Variants in GRID1 observed in about 807,000 individuals in gnomAD.
The protein encoded by GRID1 is glutamate ionotropic receptor delta type subunit 1.
Under a neutral mutation model 98.0 loss-of-function variants are expected in GRID1, and 28 were observed. That is an observed-to-expected ratio of 0.29 (90% confidence interval 0.21 to 0.39). The LOEUF is 0.39. GRID1 is among the 10% of genes least tolerant of loss of function. The probability of loss-of-function intolerance (pLI) is 1.00; values close to 1 mark genes in which losing one functional copy is unlikely to be tolerated. For missense variants in GRID1, 1,111 were observed against 1,340.5 expected, an observed-to-expected ratio of 0.83 and a Z score of 2.67; for synonymous variants, 553 against 538.5, an observed-to-expected ratio of 1.03 and a Z score of -0.37.
chr10:85,772,307 G>A (rs1387598422), intron 8 of GRID1, among the ~76,000 whole-genome samples: 2 of 151,958 alleles, frequency 1.3e-5, no homozygotes, highest in Non-Finnish European at 2.9e-5. Flanking sequence ...AGAATCTCTG[G>A]GACACATTCA....
rs565938385 is a variant in GRID1, at chr10:86,219,149, T to C, written c.236-12501A>G. Among the ~76,000 whole-genome samples, 9 of 152,326 alleles carry C rather than the reference T, an allele frequency of 5.9e-5. No individual in the cohort carries two copies. The East Asian group carries it at 1.7e-3, about 29-fold the overall frequency. Reference sequence around the variant, plus strand: ...GCATGCAGCCCTCTGTGCCGCTCCCTGGCCTGTCACCTGGTGGGGACCAAG... The same window carrying C: ...GCATGCAGCCCTCTGTGCCGCTCCCCGGCCTGTCACCTGGTGGGGACCAAG... On this transcript the variant is annotated intron_variant, in intron 2 of 15. Transcript: ENST00000327946.
chr10:85,812,023 C>T (rs1408573592), intron 8 of GRID1, among the ~76,000 whole-genome samples: 3 of 152,120 alleles, frequency 2.0e-5, no homozygotes, highest in East Asian at 1.9e-4. Context: ...AGAAATCTTA[C>T]AGGCCAGAAA....
At position 85,936,828 on chromosome 10, in the gene GRID1, C is replaced by T. The variant is rs114472187; in HGVS notation, c.727-20589G>A. On this transcript the variant is annotated intron_variant, in intron 4 of 15. Transcript: ENST00000327946. ...TAAGAGACGGTGAGTTTTAGAATGC[C>T]ATTAATACAATCTCTTCTTGCACTA... Among the ~76,000 whole-genome samples the T allele has an allele frequency of 9.2e-3, 1,408 of 152,250 alleles. 21 individuals carry two copies. Among genetic ancestry groups the T allele is most frequent in the African/African-American group, 0.031 (1,304 of 41,536 alleles).
intron 8 of GRID1, among the ~76,000 whole-genome samples, chr10:85,818,777 G>A (rs1283811415): frequency 6.6e-6 from 1 of 152,032 alleles, no homozygotes; most frequent in East Asian, 1.9e-4. Context: ...GAGTGCAGTG[G>A]CACAATCTTG....
intron 4 of GRID1, among the ~76,000 whole-genome samples, chr10:86,049,772 C>A (rs903291915): frequency 1.3e-5 from 2 of 152,250 alleles, no homozygotes; most frequent in African/African-American, 4.8e-5. Flanking sequence ...TACATAACCT[C>A]CTCTTGGAGA....
chr10:86,330,133 G>A (rs1009617500), intron 2 of GRID1, among the ~76,000 whole-genome samples: 4 of 152,064 alleles, frequency 2.6e-5, no homozygotes, highest in African/African-American at 4.8e-5. Context: ...GGGCAGGAGC[G>A]CATCTCTGTT....
chr10:85,850,144 G>C (rs1272747633), intron 8 of GRID1, among the ~76,000 whole-genome samples: 1 of 152,186 alleles, frequency 6.6e-6, no homozygotes, highest in African/African-American at 2.4e-5. Flanking sequence ...CAAAGGGCCT[G>C]CGAGCAGTTG....
chr10:86,296,935 A>G (rs543320307), intron 2 of GRID1, among the ~76,000 whole-genome samples: 1 of 152,344 alleles, frequency 6.6e-6, no homozygotes, highest in South Asian at 2.1e-4. Flanking sequence ...CTATTTAGAA[A>G]TAAACTTCAC....
intron 12 of GRID1, among the ~76,000 whole-genome samples, chr10:85,701,564 C>T (rs943166748): frequency 1.3e-5 from 2 of 152,142 alleles, no homozygotes; most frequent in African/African-American, 4.8e-5. Flanking sequence ...CACCTGTACT[C>T]ACAAGCCCAG....
At chr10:86,065,564 TG>T (rs1843708698) in intron 4 of GRID1, among the ~76,000 whole-genome samples, 2 of 152,238 alleles carry the variant, frequency 1.3e-5, no homozygotes, top group South Asian at 4.1e-4. Context: ...TCCTAGCCAG[TG>T]GGATCTTTTG....
At chr10:85,731,591 A>G (rs946637319) in intron 8 of GRID1, among the ~76,000 whole-genome samples, 2 of 152,042 alleles carry the variant, frequency 1.3e-5, no homozygotes, top group Non-Finnish European at 2.9e-5. Context: ...GCTTGAGTCC[A>G]GGAGTTCAAA....
At chr10:85,678,838 C>A (rs1841174338) in intron 12 of GRID1, among the ~76,000 whole-genome samples, 1 of 152,178 alleles carries the variant, frequency 6.6e-6, no homozygotes, top group African/African-American at 2.4e-5. Flanking sequence ...GCCCTCACTT[C>A]TGCAACTTTG....
chr10:85,833,042 C>T lies in GRID1; in HGVS notation c.1233+21454G>A, dbSNP rs73332666. 5.7e-3 allele frequency among the ~76,000 whole-genome samples: 870 copies of T among 152,298 alleles called. 8 individuals carry two copies. The highest frequency in any genetic ancestry group is 0.02 in the African/African-American group (818 of 41,550). ...CCTCTCTGTCATTGAGGGTCCAAGA[C>T]TCCACACCCCCACTGAGAGATACTC... On this transcript the variant is annotated intron_variant, in intron 8 of 15. Coordinates refer to ENST00000327946, the MANE Select transcript of GRID1 (RefSeq NM_017551.3).
intron 4 of GRID1, among the ~76,000 whole-genome samples, chr10:86,059,247 G>C (rs1444487752): frequency 6.6e-6 from 1 of 152,204 alleles, no homozygotes; most frequent in Non-Finnish European, 1.5e-5. Flanking sequence ...GGTCTTGCTT[G>C]TCAGGGGCCT....
intron 8 of GRID1, among the ~76,000 whole-genome samples, chr10:85,749,872 A>G (rs371040825): frequency 1.3e-5 from 2 of 152,236 alleles, no homozygotes; most frequent in Admixed American, 6.5e-5. Flanking sequence ...AGACTCCCCT[A>G]CTAAGTCCTT....
At chr10:85,653,960 GA>G (rs111388204) in intron 12 of GRID1, among the ~76,000 whole-genome samples, 1 of 151,920 alleles carries the variant, frequency 6.6e-6, no homozygotes, top group South Asian at 2.1e-4. Flanking sequence ...TTATAAGCAA[GA>G]AAAAAAAGAC....
At chr10:86,282,641 C>T (rs1026304209) in intron 2 of GRID1, among the ~76,000 whole-genome samples, 4 of 152,142 alleles carry the variant, frequency 2.6e-5, no homozygotes, top group Admixed American at 6.5e-5. Flanking sequence ...AGGGTGGGCA[C>T]GGAGGGCTCT....
intron 8 of GRID1, among the ~76,000 whole-genome samples, chr10:85,752,358 C>A (rs1842056237): frequency 6.6e-6 from 1 of 152,174 alleles, no homozygotes; most frequent in Admixed American, 6.5e-5. Flanking sequence ...AAGGTCAAAA[C>A]ATTTCCTGTA....
At chr10:85,959,221 G>T (rs1217019721) in intron 4 of GRID1, among the ~76,000 whole-genome samples, 1 of 152,176 alleles carries the variant, frequency 6.6e-6, no homozygotes, top group Non-Finnish European at 1.5e-5. Flanking sequence ...ATGTGTATGT[G>T]TACTGATTCT....
Sources: gnomAD v4.1 joint callset for allele counts (sites outside exome capture counted in the v4.1 genomes callset) on GRCh38, gnomAD v4.1.1 for gene constraint, MANE v1.5 for transcripts, NCBI Gene and HGNC (gene_info 2026-07-23, HGNC 2026-07-21) for gene names.